The following CDK6 variants were observed in gnomAD, a reference collection of about 807,000 sequenced individuals.
CDK6 encodes cyclin-dependent kinase 6.
A neutral mutation model predicts 37.1 loss-of-function variants in CDK6; 6 were observed. The observed-to-expected ratio is 0.16, with a 90% confidence interval of 0.09 to 0.32. CDK6 has a LOEUF of 0.32. Among genes scored for constraint, CDK6 ranks in the 10% least tolerant of loss-of-function variants. The pLI is 1.00. For missense variants in CDK6, 224 were observed against 418.9 expected (o/e 0.53, Z 4.06); for synonymous variants, 160 against 161.3 (o/e 0.99, Z 0.06).
At chr7:92,720,400 T>C (rs1180037435) in intron 4 of CDK6, among the ~76,000 whole-genome samples, 2 of 152,150 alleles carry the variant, frequency 1.3e-5, no homozygotes, top group African/African-American at 4.8e-5. Context: ...TTACAATCTA[T>C]TTGGTAAATT....
chr7:92,677,367 C>T (rs1007402499), intron 4 of CDK6, among the ~76,000 whole-genome samples: 1 of 152,172 alleles, frequency 6.6e-6, no homozygotes, highest in Non-Finnish European at 1.5e-5. Context: ...CCTGTAATCC[C>T]AGCACTTTGG....
At chr7:92,728,719 C>T (rs1798571396) in intron 3 of CDK6, among the ~76,000 whole-genome samples, 1 of 152,100 alleles carries the variant, frequency 6.6e-6, no homozygotes, top group African/African-American at 2.4e-5. Context: ...TAAGTTGGTT[C>T]TACATAAGAA....
chr7:92,825,460 GCACACACACACA>G (rs147959837), intron 2 of CDK6, among the ~76,000 whole-genome samples: 5 of 148,506 alleles, frequency 3.4e-5, no homozygotes, highest in Non-Finnish European at 6.0e-5. Flanking sequence ...GCACATGCGT[GCACACACACACA>G]CACACACACA....
At chr7:92,798,218 C>A (rs181695756) in intron 2 of CDK6, among the ~76,000 whole-genome samples, 1 of 152,250 alleles carries the variant, frequency 6.6e-6, no homozygotes, top group African/African-American at 2.4e-5. Context: ...GTGCCAAAAT[C>A]TTTGTATATT....
chr7:92,655,894 C>A (rs73710428), intron 5 of CDK6, among the ~76,000 whole-genome samples: 6 of 152,250 alleles, frequency 3.9e-5, no homozygotes, highest in African/African-American at 1.2e-4. Flanking sequence ...CATACACACA[C>A]GCTCCTAAGC....
chr7:92,774,961 A>G, intron 2 of CDK6, 130 bp from the exon 3 acceptor site: 5 of 747,898 alleles, frequency 6.7e-6, no homozygotes, highest in Non-Finnish European at 1.0e-5. Flanking sequence ...TCTTGTGATC[A>G]TATGTAAAGA....
intron 5 of CDK6, among the ~76,000 whole-genome samples, chr7:92,650,710 G>A (rs1317466106): frequency 6.6e-6 from 1 of 152,106 alleles, no homozygotes; most frequent in African/African-American, 2.4e-5. Context: ...TGATGTGGTT[G>A]TAAGACTGAG....
At chr7:92,771,989 C>A (rs553626384) in intron 3 of CDK6, among the ~76,000 whole-genome samples, 3 of 152,200 alleles carry the variant, frequency 2.0e-5, no homozygotes, top group Non-Finnish European at 4.4e-5. Context: ...AAAAACAAGT[C>A]AATCACAGAA....
At position 92,833,918 on chromosome 7, in the gene CDK6, G is replaced by GCC; in HGVS notation, c.-367-229_-367-228insGG. 1 of 399,012 alleles carries GCC rather than the reference G, an allele frequency of 2.5e-6. No homozygotes were observed. Among genetic ancestry groups the GCC allele is most frequent in the Non-Finnish European group, 4.4e-6 (1 of 226,390 alleles). 24.7% of individuals were successfully genotyped at this position (399,012 alleles called of 1,614,324 possible). A position where few individuals can be genotyped will look rare whatever the true frequency, so the allele number is the denominator to read the frequency against. On this transcript the variant is annotated intron_variant, in intron 1 of 7. Transcript: ENST00000424848. This position sits in a 1 kb window ranked among gnomAD's most constrained non-coding sequence, Gnocchi z 6.1. ...GAAGCCGTCTTCGCGCGGAGAGGTT[G>GCC]CAGGGGCCCCTCGGGGATGAGCGAG...
chr7:92,714,542 C>T (rs1949858071), intron 4 of CDK6, among the ~76,000 whole-genome samples: 1 of 152,154 alleles, frequency 6.6e-6, no homozygotes, highest in Admixed American at 6.6e-5. Flanking sequence ...GCTTGTTTCC[C>T]ACAGTGGTCC....
chr7:92,762,603 T>A (rs1017056171), intron 3 of CDK6, among the ~76,000 whole-genome samples: 2 of 151,782 alleles, frequency 1.3e-5, no homozygotes, highest in African/African-American at 4.8e-5. Context: ...AATCTCGCTC[T>A]GTCACCCAGG....
At chr7:92,638,851 A>G (rs1289975105) in intron 5 of CDK6, among the ~76,000 whole-genome samples, 2 of 152,212 alleles carry the variant, frequency 1.3e-5, no homozygotes, top group Non-Finnish European at 2.9e-5. Flanking sequence ...GAGAACCACC[A>G]TATCTCATCA....
chr7:92,785,392 A>C (rs958302724), intron 2 of CDK6, among the ~76,000 whole-genome samples: 1 of 152,188 alleles, frequency 6.6e-6, no homozygotes, highest in South Asian at 2.1e-4. Flanking sequence ...GCAGTGGGAG[A>C]GTGTGGAGGA....
intron 3 of CDK6, among the ~76,000 whole-genome samples, chr7:92,735,642 C>G (rs1446983478): frequency 1.3e-5 from 2 of 152,150 alleles, no homozygotes; most frequent in East Asian, 3.8e-4. Context: ...TGCAATGCAT[C>G]TTTATATTCT....
intron 4 of CDK6, among the ~76,000 whole-genome samples, chr7:92,713,833 C>T (rs967458154): frequency 2.0e-5 from 3 of 151,996 alleles, no homozygotes; most frequent in African/African-American, 7.3e-5. Flanking sequence ...AAGTGACTAA[C>T]AAAATAAGTT....
intron 4 of CDK6, among the ~76,000 whole-genome samples, chr7:92,702,496 G>A (rs981701586): frequency 6.6e-6 from 1 of 151,988 alleles, no homozygotes; most frequent in Non-Finnish European, 1.5e-5. Flanking sequence ...GCCCCCTAAT[G>A]TGCTGGGATT....
intron 3 of CDK6, among the ~76,000 whole-genome samples, chr7:92,748,950 C>T (rs1185859237): frequency 6.6e-6 from 1 of 152,016 alleles, no homozygotes; most frequent in East Asian, 1.9e-4. Flanking sequence ...ACCTGTAATC[C>T]CAGCATGTGG....
Position 92,713,008 on chromosome 7 carries a change from G to A in CDK6, c.537+12618C>T, listed in dbSNP as rs182042904. On this transcript the variant is annotated intron_variant, in intron 4 of 7. Coordinates refer to ENST00000424848, the MANE Select transcript of CDK6 (RefSeq NM_001145306.2). ...CCTGTAGCTGGGACTACAGGAATGC[G>A]CCACCACACCTGGCTAATTTTTGTA... 3.6e-3 allele frequency among the ~76,000 whole-genome samples: 551 copies of A among 152,132 alleles called. 3 individuals are homozygous for A. The highest frequency in any genetic ancestry group is 0.012 in the African/African-American group (500 of 41,502).
chr7:92,747,452 C>T (rs1191442167), intron 3 of CDK6, among the ~76,000 whole-genome samples: 1 of 152,194 alleles, frequency 6.6e-6, no homozygotes, highest in Non-Finnish European at 1.5e-5. Context: ...CCTCCACAAT[C>T]AAGTCCACTT....
Sources: allele counts gnomAD v4.1 joint callset (sites outside exome capture counted in the v4.1 genomes callset), GRCh38; gene constraint gnomAD v4.1.1; non-coding constraint Gnocchi (gnomAD v3.1); transcripts MANE v1.5; gene names NCBI Gene and HGNC (gene_info 2026-07-23, HGNC 2026-07-21).